CPNE4: variants seen among roughly 807,000 people sequenced by gnomAD.
CPNE4 encodes the protein copine-4.
A neutral mutation model predicts 67.9 loss-of-function variants in CPNE4; 25 were observed. The observed-to-expected ratio is 0.37, with a 90% CI of 0.27 to 0.51. The LOEUF is 0.51. Among genes scored for constraint, CPNE4 ranks in the 20% least tolerant of loss-of-function variants. The probability of loss-of-function intolerance (pLI) is 0.93; values close to 1 mark genes in which losing one functional copy is unlikely to be tolerated. For missense variants in CPNE4, 464 were observed against 690.8 expected, an observed-to-expected ratio of 0.67 and a Z score of 3.68; for synonymous variants, 242 against 244.9, an observed-to-expected ratio of 0.99 and a Z score of 0.11.
intron 2 of CPNE4, among the ~76,000 whole-genome samples, chr3:131,792,320 G>A (rs929776260): frequency 6.6e-6 from 1 of 151,802 alleles, no homozygotes; most frequent in South Asian, 2.1e-4. Flanking sequence ...TAATACCAGT[G>A]TAAGAGTGTT....
rs1267966238 is a variant in CPNE4, at chr3:131,978,076, T to A, written c.-2+56491A>T. Reference sequence around the variant, plus strand: ...ATATATAAATATATATAAATATATATAAATATATATAAATATATATATAAA... The same window carrying A: ...ATATATAAATATATATAAATATATAAAAATATATATAAATATATATATAAA... On this transcript the variant is annotated intron_variant, in intron 1 of 15. Transcript: ENST00000429747. Among the ~76,000 whole-genome samples, 58 of 33,448 alleles carry A rather than the reference T, an allele frequency of 1.7e-3. 4 individuals carry two copies. In the East Asian group the frequency reaches 0.043, roughly 25 times the overall value. 21.9% of individuals were successfully genotyped at this position (33,448 alleles called of 152,430 possible).
At chr3:131,941,038 G>C (rs16838144) in intron 1 of CPNE4, among the ~76,000 whole-genome samples, 2,131 of 152,122 alleles carry the variant, frequency 0.014, 59 homozygotes, top group African/African-American at 0.047. Flanking sequence ...TAAGACCTAT[G>C]ATCCTCCAAG....
At chr3:131,718,474 C>T (rs1191084742) in intron 3 of CPNE4, among the ~76,000 whole-genome samples, 4 of 152,178 alleles carry the variant, frequency 2.6e-5, no homozygotes, top group Non-Finnish European at 5.9e-5. Flanking sequence ...CGCTAAGTCA[C>T]TTAAGAGTTC....
At chr3:131,656,880 A>C (rs1192729886) in intron 7 of CPNE4, among the ~76,000 whole-genome samples, 1 of 152,186 alleles carries the variant, frequency 6.6e-6, no homozygotes, top group African/African-American at 2.4e-5. Context: ...AGCTATTCAG[A>C]GATGGGGAGG....
intron 1 of CPNE4, among the ~76,000 whole-genome samples, chr3:132,020,283 C>G (rs901406557): frequency 3.3e-5 from 5 of 152,226 alleles, no homozygotes; most frequent in Non-Finnish European, 7.3e-5. Flanking sequence ...AATCCCAGCA[C>G]TCTGAAGGCT....
intron 2 of CPNE4, among the ~76,000 whole-genome samples, chr3:131,894,373 G>C (rs2088234204): frequency 6.6e-6 from 1 of 151,542 alleles, no homozygotes; most frequent in South Asian, 2.1e-4. Flanking sequence ...TATACAAATG[G>C]GATTACACCA....
chr3:131,797,081 G>A (rs555558621), intron 2 of CPNE4, among the ~76,000 whole-genome samples: 1 of 152,262 alleles, frequency 6.6e-6, no homozygotes, highest in East Asian at 1.9e-4. Context: ...GGTCACAGTG[G>A]CTTTGATATT....
At chr3:131,693,322 C>A (rs918097117) in intron 5 of CPNE4, among the ~76,000 whole-genome samples, 1 of 151,872 alleles carries the variant, frequency 6.6e-6, no homozygotes, top group African/African-American at 2.4e-5. Context: ...TAATATTTAC[C>A]ATATTATAAA....
chr3:131,688,279 T>C lies in CPNE4; in HGVS notation c.508-2321A>G, dbSNP rs937880167. On this transcript the variant is annotated intron_variant, in intron 5 of 15. Transcript: ENST00000429747. ...TCTGGAACATCCGCTACTACTCTAT[T>C]TCTGAAGGTGCCTTCAGAAGATTAC... Among the ~76,000 whole-genome samples, 5 of 152,152 alleles carry C rather than the reference T, an allele frequency of 3.3e-5. No homozygotes were observed. The East Asian group carries it at 9.6e-4, about 29-fold the overall frequency.
intron 1 of CPNE4, among the ~76,000 whole-genome samples, chr3:131,952,292 G>A (rs906074782): frequency 6.7e-6 from 1 of 150,332 alleles, no homozygotes; most frequent in Admixed American, 6.6e-5. Context: ...CTGCCCGGCT[G>A]CCCCATCTGA....
intron 7 of CPNE4, among the ~76,000 whole-genome samples, chr3:131,652,065 T>G (rs1361470639): frequency 1.3e-5 from 2 of 151,904 alleles, no homozygotes; most frequent in African/African-American, 4.9e-5. Flanking sequence ...TTTAGCTTAC[T>G]TGTTTTAATA....
At chr3:131,857,528 G>C (rs995244934) in intron 2 of CPNE4, among the ~76,000 whole-genome samples, 6 of 151,952 alleles carry the variant, frequency 3.9e-5, no homozygotes, top group South Asian at 2.1e-4. Flanking sequence ...ACTTTGGGGG[G>C]ATATTTCTCA....
intron 1 of CPNE4, among the ~76,000 whole-genome samples, chr3:132,025,084 C>T (rs2074088420): frequency 6.6e-6 from 1 of 152,152 alleles, no homozygotes; most frequent in Non-Finnish European, 1.5e-5. Flanking sequence ...TTAACAAGCC[C>T]TCCAGGAGAT....
intron 1 of CPNE4, among the ~76,000 whole-genome samples, chr3:131,914,426 T>C (rs1210079576): frequency 6.6e-6 from 1 of 152,100 alleles, no homozygotes; most frequent in East Asian, 1.9e-4. Context: ...CCTCCCCTTC[T>C]CTCTAAGTCC....
chr3:131,859,974 C>T (rs2086606287), intron 2 of CPNE4, among the ~76,000 whole-genome samples: 1 of 152,122 alleles, frequency 6.6e-6, no homozygotes, highest in Admixed American at 6.6e-5. Flanking sequence ...CTCCATCATT[C>T]CACACTATTT....
intron 1 of CPNE4, among the ~76,000 whole-genome samples, chr3:131,947,557 G>A (rs2107875477): frequency 6.6e-6 from 1 of 152,266 alleles, no homozygotes; most frequent in Non-Finnish European, 1.5e-5. Context: ...CCCTGCAAAG[G>A]ACATGAACTC....
At chr3:131,685,781 A>AAT (rs2080875465) in intron 6 of CPNE4, 94 bp downstream of exon 6, 2 of 734,120 alleles carry the variant, frequency 2.7e-6, no homozygotes, top group Non-Finnish European at 4.5e-6. Context: ...ACTCCACCTC[A>AAT]ACACACACAC....
intron 2 of CPNE4, among the ~76,000 whole-genome samples, chr3:131,857,246 T>C (rs1270695452): frequency 6.6e-6 from 1 of 152,080 alleles, no homozygotes; most frequent in African/African-American, 2.4e-5. Flanking sequence ...TTTAGGCCAA[T>C]GCGTATCATA....
chr3:131,761,147 A>G (rs572086692), intron 2 of CPNE4, among the ~76,000 whole-genome samples: 710 of 68,642 alleles, frequency 0.01, 8 homozygotes, highest in African/African-American at 0.027. Flanking sequence ...AGAGGAAGAC[A>G]GTGGAAGAGG....
Sources: gnomAD v4.1 joint callset for allele counts (sites outside exome capture counted in the v4.1 genomes callset) on GRCh38, gnomAD v4.1.1 for gene constraint, MANE v1.5 for transcripts, NCBI Gene and HGNC (gene_info 2026-07-23, HGNC 2026-07-21) for gene names.